PDE1C: variants seen among roughly 807,000 people sequenced by gnomAD.
PDE1C encodes phosphodiesterase 1C, also known as dual specificity calcium/calmodulin-dependent 3',5'-cyclic nucleotide phosphodiesterase 1C.
A neutral mutation model predicts 93.1 loss-of-function variants in PDE1C; 62 were observed. That is an observed-to-expected ratio of 0.67 (90% CI 0.54 to 0.82). PDE1C has a LOEUF of 0.82. Ranked by LOEUF, PDE1C falls within the 40% of genes least tolerant of loss-of-function variation. The pLI, the probability that PDE1C is intolerant of heterozygous loss-of-function variation, is 0.00. For missense variants in PDE1C, 742 were observed against 884.6 expected (o/e 0.84, Z 2.04); for synonymous variants, 325 against 310.1 (o/e 1.05, Z -0.50).
At chr7:31,813,993 CT>C (rs1157114285) in intron 15 of PDE1C, among the ~76,000 whole-genome samples, 1 of 151,586 alleles carries the variant, frequency 6.6e-6, no homozygotes, top group Non-Finnish European at 1.5e-5. Flanking sequence ...TATTTCATTC[CT>C]TTTTATGGCT....
chr7:32,366,750 G>C (rs909448023), intron 1 of PDE1C, among the ~76,000 whole-genome samples: 2 of 151,848 alleles, frequency 1.3e-5, no homozygotes, highest in African/African-American at 4.8e-5. Context: ...GGCCAGGAGA[G>C]AACAGGATGA....
the PDE1C span, among the ~76,000 whole-genome samples, chr7:31,709,483 T>C: frequency 6.6e-6 from 1 of 152,224 alleles, no homozygotes; most frequent in African/African-American, 2.4e-5. Flanking sequence ...GTTTTTTCTA[T>C]TGCCAAATCC....
chr7:32,199,325 C>G (rs1804843153), intron 2 of PDE1C, among the ~76,000 whole-genome samples: 1 of 152,094 alleles, frequency 6.6e-6, no homozygotes, highest in South Asian at 2.1e-4. Context: ...ATTCATATCA[C>G]TAGTCAATTC....
chr7:32,200,322 A>G (rs996880892), intron 2 of PDE1C, among the ~76,000 whole-genome samples: 2 of 152,092 alleles, frequency 1.3e-5, no homozygotes, highest in African/African-American at 4.8e-5. Context: ...TTTTCATTTG[A>G]TTCTGCCATT....
At chr7:32,232,745 T>C (rs1333614144) in intron 1 of PDE1C, among the ~76,000 whole-genome samples, 2 of 152,210 alleles carry the variant, frequency 1.3e-5, no homozygotes, top group African/African-American at 2.4e-5. Context: ...ACTGAGCTAA[T>C]GGATAGACGG....
At chr7:31,874,592 A>G (rs1405760746) in intron 5 of PDE1C, among the ~76,000 whole-genome samples, 3 of 152,236 alleles carry the variant, frequency 2.0e-5, no homozygotes, top group African/African-American at 7.2e-5. Context: ...TCCCAAGGCC[A>G]TCAAGGGTCT....
At chr7:32,404,514 T>C (rs1785013194) in intron 1 of PDE1C, among the ~76,000 whole-genome samples, 1 of 151,970 alleles carries the variant, frequency 6.6e-6, no homozygotes, top group Non-Finnish European at 1.5e-5. Flanking sequence ...CCACTCCACC[T>C]GGCTAATTTT....
chr7:32,173,671 C>A (rs76850110), intron 2 of PDE1C, among the ~76,000 whole-genome samples: 18,142 of 152,140 alleles, frequency 0.12, 1,299 homozygotes, highest in East Asian at 0.26. Context: ...TGCTAGCTAA[C>A]ACACACCATG....
At chr7:32,385,330 A>G (rs78499206) in intron 1 of PDE1C, among the ~76,000 whole-genome samples, 4,819 of 152,330 alleles carry the variant, frequency 0.032, 103 homozygotes, top group Non-Finnish European at 0.042. Flanking sequence ...AGCCTTAGGC[A>G]GGAAGGTTTT....
the PDE1C span, among the ~76,000 whole-genome samples, chr7:31,669,748 A>T: frequency 6.6e-6 from 1 of 152,210 alleles, no homozygotes; most frequent in South Asian, 2.1e-4. Flanking sequence ...ACCATTACTC[A>T]TGTAATAAGA....
the PDE1C span, among the ~76,000 whole-genome samples, chr7:31,710,233 C>A: frequency 1.3e-5 from 2 of 152,180 alleles, no homozygotes; most frequent in Non-Finnish European, 2.9e-5. Flanking sequence ...AAAGAGGTTT[C>A]TTTAATGGAA....
In PDE1C at chr7:31,927,896, C is replaced by T. The variant is rs140591787; in HGVS notation, c.129-47036G>A. On this transcript the variant is annotated intron_variant, in intron 2 of 17. Coordinates refer to ENST00000396191, the MANE Select transcript of PDE1C (RefSeq NM_001191057.4). ...ATACCTCATCTCCTCCAAATGATTG[C>T]AATTCCTCTCCAACAAGGGCACACA... is the stretch of plus-strand genomic sequence containing the variant. Among the ~76,000 whole-genome samples, 99 of 152,168 alleles carry T rather than the reference C, an allele frequency of 6.5e-4. 1 individual carries two copies. In the East Asian group the frequency reaches 0.019, roughly 29 times the overall value.
the PDE1C span, chr7:31,643,834 C>A: frequency 6.2e-7 from 1 of 1,613,944 alleles, no homozygotes; most frequent in Non-Finnish European, 8.5e-7. Context: ...GAGGCAAAGC[C>A]CTGGCCCTGA....
chr7:31,684,433 T>G, the PDE1C span, among the ~76,000 whole-genome samples: 1 of 152,214 alleles, frequency 6.6e-6, no homozygotes. Context: ...TTATAAAAAT[T>G]TAAAAGCTAT....
chr7:31,682,618 T>C, the PDE1C span, among the ~76,000 whole-genome samples: 114,538 of 152,098 alleles, frequency 0.75, 43,705 homozygotes, highest in East Asian at 0.83. Context: ...AATTGCACTC[T>C]TGATTATTTG....
chr7:32,167,124 G>A (rs939115279), intron 3 of PDE1C, among the ~76,000 whole-genome samples: 19 of 152,118 alleles, frequency 1.2e-4, no homozygotes, highest in African/African-American at 4.3e-4. Context: ...ACCCATCATT[G>A]ATAAATTTAT....
chr7:31,919,752 G>A (rs1039828169), intron 2 of PDE1C, among the ~76,000 whole-genome samples: 7 of 152,192 alleles, frequency 4.6e-5, no homozygotes, highest in African/African-American at 1.7e-4. Flanking sequence ...TACCTTAAAT[G>A]CTTGCCTAGG....
At chr7:31,876,958 C>T (rs1473493704) in intron 5 of PDE1C, among the ~76,000 whole-genome samples, 1 of 152,062 alleles carries the variant, frequency 6.6e-6, no homozygotes, top group African/African-American at 2.4e-5. Context: ...CAAGATTGTC[C>T]CAAGGGGCTC....
intron 16 of PDE1C, among the ~76,000 whole-genome samples, chr7:31,792,292 G>A (rs371564186): frequency 7.9e-5 from 12 of 152,172 alleles, no homozygotes; most frequent in Admixed American, 4.6e-4. Context: ...CTCATTTATC[G>A]TTTATAACAC....
Sources: gnomAD v4.1 joint callset for allele counts (sites outside exome capture counted in the v4.1 genomes callset) on GRCh38, gnomAD v4.1.1 for gene constraint, MANE v1.5 for transcripts, NCBI Gene and HGNC (gene_info 2026-07-23, HGNC 2026-07-21) for gene names.